Variants in DHX57 observed in about 807,000 individuals in gnomAD.
DHX57 encodes putative ATP-dependent RNA helicase DHX57.
DHX57 carries 105 observed loss-of-function variants against 156.2 expected under a neutral mutation model. That is an observed-to-expected ratio of 0.67 (90% CI 0.57 to 0.79). DHX57 has a LOEUF of 0.79. Ranked by LOEUF, DHX57 falls within the 30% of genes least tolerant of loss-of-function variation. The pLI is 0.00. For missense variants in DHX57, 1,847 were observed against 1,661.9 expected (o/e 1.11, Z -1.94); for synonymous variants, 704 against 595.6 (o/e 1.18, Z -2.65).
intron 17 of DHX57, among the ~76,000 whole-genome samples, chr2:38,820,702 C>T (rs574684297): frequency 6.6e-6 from 1 of 152,146 alleles, no homozygotes; most frequent in African/African-American, 2.4e-5. Context: ...GGGAGCTGGA[C>T]TAAGATATTT....
chr2:38,820,737 C>A (rs1240530024), intron 17 of DHX57, among the ~76,000 whole-genome samples: 1 of 151,868 alleles, frequency 6.6e-6, no homozygotes, highest in African/African-American at 2.4e-5. Flanking sequence ...GTTTATAATT[C>A]GATGACATAT....
At chr2:38,858,613 T>C in intron 6 of DHX57, 48 bp downstream of exon 6, 1 of 1,552,360 alleles carries the variant, frequency 6.4e-7, no homozygotes, top group Non-Finnish European at 8.7e-7. Context: ...AATCCCATCA[T>C]CCAGATATTA....
At position 38,798,444 on chromosome 2, in the gene DHX57, T is replaced by TA; in HGVS notation, c.4018-3dup. 6.2e-7 allele frequency: 1 copy of TA among 1,608,362 alleles called. No homozygotes were observed. The highest frequency in any genetic ancestry group is 8.5e-7 in the Non-Finnish European group (1 of 1,177,948). ...AAGCTCCTTTACCAGTTCAGCCACC[T>TA]AAAATGAAAGCTACAATATAAGCAG... On this transcript the variant is annotated splice_polypyrimidine_tract_variant and splice_region_variant and intron_variant, in intron 23 of 23. Transcript: ENST00000457308.
intron 16 of DHX57, among the ~76,000 whole-genome samples, chr2:38,825,361 G>T (rs1671035036): frequency 6.6e-6 from 1 of 152,060 alleles, no homozygotes; most frequent in Non-Finnish European, 1.5e-5. Context: ...GGAGTGCAGT[G>T]GCACGATCTC....
At chr2:38,841,257 C>T (rs1003336861) in intron 12 of DHX57, among the ~76,000 whole-genome samples, 1 of 152,186 alleles carries the variant, frequency 6.6e-6, no homozygotes, top group African/African-American at 2.4e-5. Flanking sequence ...CACTTACTAG[C>T]TGGGCACTAT....
chr2:38,807,430 T>C (rs1015652410), intron 21 of DHX57, among the ~76,000 whole-genome samples: 1 of 151,990 alleles, frequency 6.6e-6, no homozygotes, highest in African/African-American at 2.4e-5. Flanking sequence ...TGATCTGGGC[T>C]CACTGCAAGT....
In DHX57 at chr2:38,847,089, G is replaced by T. The variant is rs970022730; in HGVS notation, c.2165-16C>A. On this transcript the variant is annotated splice_polypyrimidine_tract_variant and intron_variant, in intron 10 of 23. Coordinates refer to ENST00000457308, the MANE Select transcript of DHX57 (RefSeq NM_198963.3). ...AATGTACGACCTAGAAAAACAAGGAGACAAAATAGAAAGCCTGAGAACACC... is the reference window on the plus strand; with the variant it reads ...AATGTACGACCTAGAAAAACAAGGATACAAAATAGAAAGCCTGAGAACACC... The T allele has an allele frequency of 1.9e-5, 30 of 1,608,792 alleles. No individual in the cohort carries two copies. The highest frequency in any genetic ancestry group is 2.6e-5 in the Non-Finnish European group (30 of 1,175,982).
chr2:38,825,378 C>T (rs559924828), intron 16 of DHX57, among the ~76,000 whole-genome samples: 3 of 152,324 alleles, frequency 2.0e-5, no homozygotes, highest in South Asian at 2.1e-4. Context: ...TCTCAGCTCA[C>T]TGCAACCTCT....
At chr2:38,806,102 G>A (rs1669922271) in intron 22 of DHX57, among the ~76,000 whole-genome samples, 1 of 152,184 alleles carries the variant, frequency 6.6e-6, no homozygotes, top group Admixed American at 6.6e-5. Flanking sequence ...CCATGTGAGA[G>A]GTGGCATGAT....
chr2:38,863,080 G>A (rs1158109610), intron 3 of DHX57: 5 of 308,060 alleles, frequency 1.6e-5, no homozygotes, highest in Non-Finnish European at 3.0e-5. Context: ...CATTACAAGG[G>A]TTTATCTGGA....
intron 6 of DHX57, 51 bp downstream of exon 6, chr2:38,858,610 T>A (rs770218159): frequency 3.2e-6 from 5 of 1,540,618 alleles, no homozygotes; most frequent in African/African-American, 2.8e-5. Flanking sequence ...CCTAATCCCA[T>A]CATCCAGATA....
chr2:38,815,372 AT>A, intron 20 of DHX57, 148 bp downstream of exon 20: 1 of 1,078,368 alleles, frequency 9.3e-7, no homozygotes, highest in East Asian at 2.4e-5. Context: ...ATCAGCTGAT[AT>A]TTATTTGTGC....
intron 23 of DHX57, among the ~76,000 whole-genome samples, chr2:38,801,962 T>C (rs1368979173): frequency 6.6e-6 from 1 of 152,234 alleles, no homozygotes; most frequent in Non-Finnish European, 1.5e-5. Context: ...ATATAGGGAA[T>C]AATTGAGACC....
intron 22 of DHX57, among the ~76,000 whole-genome samples, chr2:38,803,678 G>C (rs575405022): frequency 3.3e-5 from 5 of 151,624 alleles, no homozygotes; most frequent in African/African-American, 1.2e-4. Flanking sequence ...AGTAGAGACA[G>C]GGATTTCATC....
intron 11 of DHX57, 104 bp downstream of exon 11, chr2:38,846,915 G>A (rs1672317427): frequency 2.3e-6 from 2 of 852,038 alleles, no homozygotes; most frequent in Non-Finnish European, 3.7e-6. Context: ...TCTTGAACTG[G>A]CCCCAAAAGA....
In DHX57 at chr2:38,858,772, C is replaced by G. The variant is rs757914387; in HGVS notation, c.1476G>C (p.Glu492Asp). ...TCTTAAGGTTCACATAGCTTTCATT[C>G]TCTACTATAACAGGTGCAGGACCGT... Reference protein sequence around the residue: ...EDDGPAPVIVENESYVNLKKK... With the variant: ...EDDGPAPVIVDNESYVNLKKK... The change falls in exon 6 of 24, where the codon GAG (glutamate) becomes GAC (aspartate). Residue 492 changes from glutamate (E) to aspartate (D), a missense_variant. Glu to Asp is a conservative substitution (Grantham distance 45). Coordinates refer to ENST00000457308, the MANE Select transcript of DHX57 (RefSeq NM_198963.3). 4 of 1,614,096 alleles carry G rather than the reference C, an allele frequency of 2.5e-6. No individual in the cohort carries two copies. The highest frequency in any genetic ancestry group is 2.2e-5 in the South Asian group (2 of 91,064).
At position 38,861,082 on chromosome 2, in the gene DHX57, G is replaced by A. The variant is rs759239660; in HGVS notation, c.1328C>T (p.Pro443Leu). Residue 443 changes from proline to leucine, a missense_variant, in exon 5 of 24, where the codon CCC (proline) becomes CTC (leucine). By Grantham distance (98) the Pro-to-Leu change is moderately conservative. Transcript: ENST00000457308. ...AGGATTATTTATTCTGGTCCTAGAG[G>A]GTACTGGCAGAAAGTTCACAGGAGG... Reference protein sequence around the residue: ...SDPPVNFLPVPSRTRINNPAC... With the variant: ...SDPPVNFLPVLSRTRINNPAC... 5.0e-5 allele frequency: 81 copies of A among 1,614,074 alleles called. No homozygotes were observed. Among genetic ancestry groups the A allele is most frequent in the Non-Finnish European group, 6.9e-5 (81 of 1,180,042 alleles).
At chr2:38,854,200 T>A in intron 8 of DHX57, 22 bp from the exon 9 acceptor site, 1 of 1,604,928 alleles carries the variant, frequency 6.2e-7, no homozygotes, top group Non-Finnish European at 8.5e-7. Context: ...AAGGGCAATA[T>A]AAATCATTAA....
chr2:38,816,292 G>C, intron 19 of DHX57: 1 of 454,762 alleles, frequency 2.2e-6, no homozygotes, highest in Non-Finnish European at 4.4e-6. Context: ...TTGGCTTTCT[G>C]CAACCTCTGC....
Sources: gnomAD v4.1 joint callset for allele counts (sites outside exome capture counted in the v4.1 genomes callset) on GRCh38, gnomAD v4.1.1 for gene constraint, MANE v1.5 for transcripts, NCBI Gene and HGNC (gene_info 2026-07-23, HGNC 2026-07-21) for gene names.